The following RRBP1 variants were observed in gnomAD, a reference collection of about 807,000 sequenced individuals.
RRBP1 encodes ribosome binding protein 1.
In RRBP1, 94 loss-of-function variants were observed where a neutral mutation model predicts 165.2. That is an observed-to-expected ratio of 0.57 (90% confidence interval 0.48 to 0.68). The LOEUF (loss-of-function observed/expected upper bound fraction) is 0.68, where lower values mean the gene tolerates loss of function less well. Among genes scored for constraint, RRBP1 ranks in the 30% least tolerant of loss-of-function variants. The pLI is 0.00. For synonymous variants in RRBP1, 680 were observed against 714.5 expected, an observed-to-expected ratio of 0.95 and a Z score of 0.77; for missense variants, 1,676 against 1,763.0, an observed-to-expected ratio of 0.95 and a Z score of 0.88.
chr20:17,614,655 A>C, intron 24 of RRBP1, 82 bp downstream of exon 24: 1 of 1,561,236 alleles, frequency 6.4e-7, no homozygotes, highest in Non-Finnish European at 8.7e-7. Flanking sequence ...GACTCCGCCC[A>C]GCTCTGCCTC....
intron 2 of RRBP1, among the ~76,000 whole-genome samples, chr20:17,665,691 G>A (rs1192811310): frequency 1.3e-5 from 2 of 152,162 alleles, no homozygotes; most frequent in Non-Finnish European, 2.9e-5. Flanking sequence ...ACACAAAATT[G>A]TAGTGTGACA....
At chr20:17,624,723 T>G (rs975367458) in intron 12 of RRBP1, 55 bp from the exon 13 acceptor site, 11 of 1,281,724 alleles carry the variant, frequency 8.6e-6, no homozygotes, top group Non-Finnish European at 1.2e-5. Context: ...ACGGGCTGCC[T>G]AAGCTGGTGT....
intron 5 of RRBP1, among the ~76,000 whole-genome samples, chr20:17,640,336 G>A (rs561900577): frequency 2.6e-5 from 4 of 152,376 alleles, no homozygotes; most frequent in African/African-American, 9.6e-5. Flanking sequence ...AAGGGCATTA[G>A]AGGCCAAGGG....
chr20:17,633,476 T>C lies in RRBP1; in HGVS notation c.2594A>G (p.Gln865Arg), dbSNP rs765214923. 1.2e-6 allele frequency: 2 copies of C among 1,613,714 alleles called. No individual in the cohort carries two copies. Reference sequence around the variant, plus strand: ...CCGACTCACCTGCAGCTGCAGGACCTGCTTCTCGAAGGCAGCTGCCTTGGC... The same window carrying C: ...CCGACTCACCTGCAGCTGCAGGACCCGCTTCTCGAAGGCAGCTGCCTTGGC... ...LEAKAAAFEK[Q>R]VLQLQASHRE... is the part of the protein sequence containing the mutation. The change falls in exon 8 of 25, where the codon CAG becomes CGG. Residue 865 changes from glutamine to arginine, a missense_variant. Gln to Arg is a conservative substitution (Grantham distance 43). Around this residue, in one of 5 missense-constraint regions of RRBP1, gnomAD observed 1,184 missense variants for 1,167.1 expected, o/e 1.01. Transcript: ENST00000377813.
At chr20:17,669,478 C>G (rs1301032403) in intron 2 of RRBP1, among the ~76,000 whole-genome samples, 2 of 152,186 alleles carry the variant, frequency 1.3e-5, no homozygotes, top group Admixed American at 1.3e-4. Flanking sequence ...ATTTGTCTCC[C>G]AAAAGCAGGG....
At chr20:17,623,552 C>A (rs2035955218) in intron 13 of RRBP1, among the ~76,000 whole-genome samples, 1 of 152,230 alleles carries the variant, frequency 6.6e-6, no homozygotes, top group Admixed American at 6.5e-5. Context: ...ACACGCCCCA[C>A]CTGGACAGCA....
chr20:17,679,273 G>C (rs1364169866), intron 2 of RRBP1, among the ~76,000 whole-genome samples: 3 of 152,232 alleles, frequency 2.0e-5, no homozygotes, highest in African/African-American at 7.2e-5. Flanking sequence ...TTTATCCAAT[G>C]AGACAGCTGG....
rs757435512 is a variant in RRBP1, at chr20:17,641,916, T to A, written c.2065A>T (p.Thr689Ser). The A allele has an allele frequency of 4.3e-6, 7 of 1,613,166 alleles. No homozygotes were observed. In the Admixed American group the frequency reaches 8.3e-5, roughly 19 times the overall value. ...GIIQDTWHKATQKGDPVAILK... is the reference protein window; with the variant it reads ...GIIQDTWHKASQKGDPVAILK... The stretch of plus-strand genomic sequence containing the variant: ...ATCGCCACAGGGTCACCCTTCTGAG[T>A]GGCCTAGAAATACCCAGAGATGCGT... Residue 689 changes from threonine to serine, a missense_variant, in exon 5 of 25, where the codon ACT (threonine) becomes TCT (serine). Physicochemically the swap from Thr to Ser is moderately conservative, Grantham distance 58. Coordinates refer to ENST00000377813, the MANE Select transcript of RRBP1 (RefSeq NM_001365613.2).
intron 3 of RRBP1, among the ~76,000 whole-genome samples, chr20:17,658,128 C>T (rs2036679432): frequency 6.6e-6 from 1 of 152,224 alleles, no homozygotes; most frequent in Non-Finnish European, 1.5e-5. Context: ...TCACTCCTCA[C>T]CTCTCCTTTC....
At chr20:17,629,762 G>A (rs886632766) in intron 9 of RRBP1, 61 bp downstream of exon 9, 6 of 1,527,524 alleles carry the variant, frequency 3.9e-6, no homozygotes, top group South Asian at 3.6e-5. Context: ...AGTGGGGCTG[G>A]GCCGGCATGC....
chr20:17,619,555 C>T, intron 19 of RRBP1, 78 bp downstream of exon 19: 1 of 1,043,656 alleles, frequency 9.6e-7, no homozygotes, highest in Non-Finnish European at 1.4e-6. Context: ...GCTGCTCCCA[C>T]AGGGCTGAGG....
Position 17,654,534 on chromosome 20 carries a change from G to A in RRBP1, c.1912+4062C>T, listed in dbSNP as rs140033390. Among the ~76,000 whole-genome samples the A allele has an allele frequency of 1.7e-3, 254 of 152,292 alleles. 1 individual carries two copies. Among genetic ancestry groups the A allele is most frequent in the African/African-American group, 5.8e-3 (241 of 41,560 alleles). ...ATTTCGGGCCTTACCACTCAATCACGTGTGTGTTTGCTAGTGACTCCCTTC... is the reference window on the plus strand; with the variant it reads ...ATTTCGGGCCTTACCACTCAATCACATGTGTGTTTGCTAGTGACTCCCTTC... On this transcript the variant is annotated intron_variant, in intron 3 of 24. Coordinates refer to ENST00000377813, the MANE Select transcript of RRBP1 (RefSeq NM_001365613.2).
chr20:17,626,523 G>C (rs886417795), intron 11 of RRBP1, among the ~76,000 whole-genome samples: 8 of 152,202 alleles, frequency 5.3e-5, no homozygotes, highest in African/African-American at 1.9e-4. Context: ...GTGCTTCTTT[G>C]GTGACGAGGG....
At chr20:17,633,388 C>G in intron 8 of RRBP1, 72 bp downstream of exon 8, 1 of 1,524,308 alleles carries the variant, frequency 6.6e-7, no homozygotes, top group East Asian at 2.3e-5. Flanking sequence ...CCAGCCTGGG[C>G]CCATCCCCGC....
intron 2 of RRBP1, among the ~76,000 whole-genome samples, chr20:17,677,667 C>G (rs575667675): frequency 3.3e-5 from 5 of 152,224 alleles, no homozygotes; most frequent in African/African-American, 1.2e-4. Context: ...TGGTGAAACC[C>G]CGTCTCTACT....
At chr20:17,651,174 T>A (rs2036549687) in intron 3 of RRBP1, among the ~76,000 whole-genome samples, 1 of 152,196 alleles carries the variant, frequency 6.6e-6, no homozygotes, top group Admixed American at 6.5e-5. Context: ...TTATCCCACG[T>A]CTGGGTTTAT....
intron 4 of RRBP1, among the ~76,000 whole-genome samples, 159 bp from the exon 5 acceptor site, chr20:17,642,078 G>A: frequency 6.6e-6 from 1 of 152,202 alleles, no homozygotes; most frequent in East Asian, 1.9e-4. Context: ...GGGAAAGGCG[G>A]CCCCGCCTCA....
intron 11 of RRBP1, among the ~76,000 whole-genome samples, 195 bp from the exon 12 acceptor site, chr20:17,625,797 C>A (rs895660369): frequency 1.3e-5 from 2 of 152,082 alleles, no homozygotes; most frequent in Admixed American, 6.5e-5. Flanking sequence ...ACCCTCCCCT[C>A]CCCCCGCCAT....
At chr20:17,624,722 C>CAG in intron 12 of RRBP1, 54 bp from the exon 13 acceptor site, 6 of 1,324,138 alleles carry the variant, frequency 4.5e-6, no homozygotes, top group Non-Finnish European at 5.3e-6. Context: ...CACGGGCTGC[C>CAG]TAAGCTGGTG....
Sources: allele counts gnomAD v4.1 joint callset (sites outside exome capture counted in the v4.1 genomes callset), GRCh38; gene constraint gnomAD v4.1.1; regional missense constraint gnomAD v4.1.1; transcripts MANE v1.5; gene names NCBI Gene and HGNC (gene_info 2026-07-23, HGNC 2026-07-21).